Variants in SND1 observed in about 807,000 individuals in gnomAD.
SND1 encodes staphylococcal nuclease domain-containing protein 1.
SND1 carries 38 observed loss-of-function variants against 121.7 expected under a neutral mutation model. That is an observed-to-expected ratio of 0.31 (90% CI 0.24 to 0.41). The LOEUF is 0.41. Ranked by LOEUF, SND1 falls within the 10% of genes least tolerant of loss-of-function variation. The probability of loss-of-function intolerance (pLI) is 1.00; values close to 1 mark genes in which losing one functional copy is unlikely to be tolerated. For synonymous variants in SND1, 401 were observed against 447.4 expected, an observed-to-expected ratio of 0.90 and a Z score of 1.31; for missense variants, 868 against 1,184.6, an observed-to-expected ratio of 0.73 and a Z score of 3.92.
chr7:127,843,830 T>C (rs1330727027), intron 11 of SND1, among the ~76,000 whole-genome samples: 1 of 152,232 alleles, frequency 6.6e-6, no homozygotes, highest in Non-Finnish European at 1.5e-5. Flanking sequence ...AAAGTGGCTG[T>C]ATCATTTTGC....
intron 16 of SND1, among the ~76,000 whole-genome samples, chr7:128,017,840 C>T (rs1803259405): frequency 6.6e-6 from 1 of 152,236 alleles, no homozygotes; most frequent in Admixed American, 6.5e-5. Context: ...ATGTTAAATG[C>T]TTCTAGTTGC....
intron 15 of SND1, among the ~76,000 whole-genome samples, chr7:127,986,150 A>G (rs548471192): frequency 3.3e-5 from 5 of 152,358 alleles, no homozygotes; most frequent in South Asian, 2.1e-4. Flanking sequence ...AGAGCGATAC[A>G]TAAGTTTCAC....
chr7:127,986,997 T>G (rs1299221239), intron 15 of SND1, among the ~76,000 whole-genome samples: 2 of 152,252 alleles, frequency 1.3e-5, no homozygotes, highest in East Asian at 3.8e-4. Context: ...CTCTTGCACC[T>G]GTGGCATTTG....
chr7:127,858,925 T>G (rs1269126009), intron 12 of SND1, among the ~76,000 whole-genome samples: 1 of 152,180 alleles, frequency 6.6e-6, no homozygotes, highest in Non-Finnish European at 1.5e-5. Flanking sequence ...TTCAGTTTCT[T>G]CCTCTGAACA....
intron 11 of SND1, among the ~76,000 whole-genome samples, chr7:127,832,487 G>C (rs1340966808): frequency 6.6e-6 from 1 of 152,226 alleles, no homozygotes; most frequent in Non-Finnish European, 1.5e-5. Flanking sequence ...GTGGGAAAAT[G>C]ATGGTGAATG....
At chr7:127,702,613 C>A in intron 6 of SND1, 87 bp downstream of exon 6, 1 of 1,038,836 alleles carries the variant, frequency 9.6e-7, no homozygotes, top group Non-Finnish European at 1.5e-6. Flanking sequence ...TTCGGATCTG[C>A]TGTTTCTTCC....
intron 14 of SND1, among the ~76,000 whole-genome samples, chr7:127,907,008 G>C (rs915125616): frequency 4.6e-5 from 7 of 152,098 alleles, no homozygotes; most frequent in African/African-American, 1.7e-4. Context: ...AGTATTGGAG[G>C]ATTGGTTTGC....
At chr7:127,749,813 A>T (rs992966544) in intron 10 of SND1, among the ~76,000 whole-genome samples, 3 of 152,218 alleles carry the variant, frequency 2.0e-5, no homozygotes, top group African/African-American at 4.8e-5. Context: ...GAACCTTCAG[A>T]TGAGAAGTTG....
intron 2 of SND1, among the ~76,000 whole-genome samples, chr7:127,688,757 G>A (rs1218498973): frequency 1.3e-5 from 2 of 151,584 alleles, no homozygotes; most frequent in African/African-American, 2.4e-5. Flanking sequence ...CAAAATTTCT[G>A]GATTCCAATT....
intron 15 of SND1, among the ~76,000 whole-genome samples, chr7:127,930,368 C>T (rs917373618): frequency 2.0e-5 from 3 of 152,172 alleles, no homozygotes; most frequent in African/African-American, 7.2e-5. Flanking sequence ...CTAGAAGGCA[C>T]AGGTAGTTTC....
intron 15 of SND1, among the ~76,000 whole-genome samples, chr7:127,955,072 A>G (rs1801561413): frequency 6.6e-6 from 1 of 152,132 alleles, no homozygotes; most frequent in African/African-American, 2.4e-5. Flanking sequence ...AGTATCTGGC[A>G]TCTCTGTAAA....
intron 16 of SND1, chr7:128,028,588 A>T: frequency 8.2e-7 from 1 of 1,219,612 alleles, no homozygotes; most frequent in Non-Finnish European, 1.2e-6. Flanking sequence ...ATATAAGCAT[A>T]TACAAGAAAA....
intron 1 of SND1, among the ~76,000 whole-genome samples, chr7:127,681,607 A>G (rs538074643): frequency 6.6e-6 from 1 of 152,132 alleles, no homozygotes; most frequent in Non-Finnish European, 1.5e-5. Context: ...TAAGACTTTT[A>G]TAGTTTTACT....
At chr7:127,974,822 C>G (rs1231514503) in intron 15 of SND1, among the ~76,000 whole-genome samples, 16 of 152,220 alleles carry the variant, frequency 1.1e-4, no homozygotes, top group Admixed American at 7.2e-4. Flanking sequence ...TTGCTGACAG[C>G]TGTCCTCTTT....
At chr7:128,066,989 C>G (rs944679155) in intron 16 of SND1, among the ~76,000 whole-genome samples, 5 of 152,178 alleles carry the variant, frequency 3.3e-5, no homozygotes, top group Admixed American at 6.5e-5. Context: ...CCCGCGCCCC[C>G]CTGCAAGTTC....
rs368361884 is a variant in SND1, at chr7:128,009,064, G to A, written c.1779+18008G>A. 1.2e-4 allele frequency among the ~76,000 whole-genome samples: 19 copies of A among 152,278 alleles called. No homozygotes were observed. In the East Asian group the frequency reaches 2.7e-3, roughly 22 times the overall value. On this transcript the variant is annotated intron_variant, in intron 16 of 23. Transcript: ENST00000354725. ...ATTTTTATGGTGCAATGACAGCTTTGATACAGGGCATAATTTTCTCAGGAT... is the reference window on the plus strand; with the variant it reads ...ATTTTTATGGTGCAATGACAGCTTTAATACAGGGCATAATTTTCTCAGGAT...
chr7:127,921,157 A>G (rs1353322929), intron 14 of SND1, among the ~76,000 whole-genome samples: 1 of 152,210 alleles, frequency 6.6e-6, no homozygotes, highest in Non-Finnish European at 1.5e-5. Context: ...GTCAGTAGGC[A>G]TAAGTACTTA....
At chr7:127,913,213 A>G (rs906610145) in intron 14 of SND1, among the ~76,000 whole-genome samples, 4 of 152,206 alleles carry the variant, frequency 2.6e-5, no homozygotes, top group Admixed American at 6.5e-5. Context: ...TCTTCCTCCC[A>G]GTATAATCAG....
At chr7:127,861,910 G>A (rs981861854) in intron 12 of SND1, among the ~76,000 whole-genome samples, 1 of 152,184 alleles carries the variant, frequency 6.6e-6, no homozygotes, top group Non-Finnish European at 1.5e-5. Flanking sequence ...GTCCACCTGT[G>A]CCAGGTTTTT....
Sources: allele counts gnomAD v4.1 joint callset (sites outside exome capture counted in the v4.1 genomes callset), GRCh38; gene constraint gnomAD v4.1.1; transcripts MANE v1.5; gene names NCBI Gene and HGNC (gene_info 2026-07-23, HGNC 2026-07-21).